The following MGMT variants were observed in gnomAD, a reference collection of about 807,000 sequenced individuals.
MGMT encodes the protein O-6-methylguanine-DNA methyltransferase.
Under a neutral mutation model 15.9 loss-of-function variants are expected in MGMT, and 14 were observed. The observed-to-expected ratio is 0.88, with a 90% CI of 0.58 to 1.37. The LOEUF is 1.37. Among genes scored for constraint, MGMT ranks in the 40% most tolerant of loss-of-function variants. MGMT has a pLI of 0.00. For missense variants in MGMT, 282 were observed against 268.1 expected (o/e 1.05, Z -0.36); for synonymous variants, 130 against 118.2 (o/e 1.10, Z -0.65).
At chr10:129,536,043 G>A (rs1179277859) in intron 1 of MGMT, among the ~76,000 whole-genome samples, 198 bp from the exon 2 acceptor site, 1 of 152,116 alleles carries the variant, frequency 6.6e-6, no homozygotes, top group East Asian at 1.9e-4. Context: ...AGTATTGGTT[G>A]GCTGCTCTAG....
chr10:129,764,202 C>T (rs979609926), intron 4 of MGMT, among the ~76,000 whole-genome samples: 2 of 152,352 alleles, frequency 1.3e-5, no homozygotes, highest in African/African-American at 2.4e-5. Context: ...AGACTCCATT[C>T]GGCCGGAGGC....
chr10:129,722,554 G>T (rs912766587), intron 3 of MGMT, among the ~76,000 whole-genome samples: 13 of 152,152 alleles, frequency 8.5e-5, no homozygotes, highest in Middle Eastern at 3.2e-3. Context: ...GAATTTGTAG[G>T]ACTTACATTA....
intron 4 of MGMT, 138 bp downstream of exon 4, chr10:129,759,479 CCATTATGCCAGATGCCTCCAGAAGAGG>C: frequency 7.6e-7 from 1 of 1,317,330 alleles, no homozygotes; most frequent in Non-Finnish European, 1.1e-6. Context: ...GTGATGGGGA[CCATTATGCCAGATGCCTCCAGAAGAGG>C]CAAGGAGGCT....
chr10:129,604,746 C>G (rs1301892334), intron 2 of MGMT, among the ~76,000 whole-genome samples: 7 of 144,548 alleles, frequency 4.8e-5, no homozygotes, highest in East Asian at 2.4e-4. Context: ...CACCCCCTCC[C>G]CCCGGCTTTC....
At chr10:129,630,659 CAG>C (rs1847199732) in intron 2 of MGMT, among the ~76,000 whole-genome samples, 1 of 152,244 alleles carries the variant, frequency 6.6e-6, no homozygotes, top group South Asian at 2.1e-4. Context: ...AAAAAGAAAA[CAG>C]AAGGAAGATT....
At chr10:129,653,181 G>A (rs962038212) in intron 2 of MGMT, among the ~76,000 whole-genome samples, 10 of 152,174 alleles carry the variant, frequency 6.6e-5, no homozygotes, top group Admixed American at 6.5e-4. Flanking sequence ...CTACTCCACT[G>A]GACTTCATGT....
chr10:129,646,633 C>T (rs138151762), intron 2 of MGMT, among the ~76,000 whole-genome samples: 1 of 149,932 alleles, frequency 6.7e-6, no homozygotes, highest in Non-Finnish European at 1.5e-5. Context: ...GGCAGCTTAA[C>T]ACGTGGCATC....
intron 2 of MGMT, among the ~76,000 whole-genome samples, chr10:129,570,100 G>T (rs1258992397): frequency 6.6e-6 from 1 of 152,222 alleles, no homozygotes; most frequent in African/African-American, 2.4e-5. Flanking sequence ...ACCCTCCGCA[G>T]ACCCTCACGT....
intron 3 of MGMT, among the ~76,000 whole-genome samples, chr10:129,709,678 G>T (rs965034112): frequency 6.6e-6 from 1 of 152,156 alleles, no homozygotes; most frequent in Non-Finnish European, 1.5e-5. Flanking sequence ...AACCCCTGAA[G>T]TTTACCTAAG....
intron 3 of MGMT, among the ~76,000 whole-genome samples, chr10:129,739,821 T>C (rs967810834): frequency 1.1e-4 from 16 of 152,308 alleles, no homozygotes; most frequent in African/African-American, 3.6e-4. Flanking sequence ...TTAGTTATTT[T>C]ATATGTGGCC....
chr10:129,569,538 G>T (rs1214491616), intron 2 of MGMT, among the ~76,000 whole-genome samples: 1 of 152,132 alleles, frequency 6.6e-6, no homozygotes, highest in Non-Finnish European at 1.5e-5. Context: ...GCCTGGCTTT[G>T]CCTGGTATTA....
chr10:129,613,000 T>C (rs1265471980), intron 2 of MGMT, among the ~76,000 whole-genome samples: 2 of 152,154 alleles, frequency 1.3e-5, no homozygotes, highest in African/African-American at 4.8e-5. Flanking sequence ...ATAGCCGAGT[T>C]CAGACCCACT....
chr10:129,483,317 A>G (rs1845377650), intron 1 of MGMT, among the ~76,000 whole-genome samples: 1 of 152,222 alleles, frequency 6.6e-6, no homozygotes, highest in African/African-American at 2.4e-5. Flanking sequence ...TAAAAAATCC[A>G]GAATTTACAT....
chr10:129,649,015 A>T (rs966740879), intron 2 of MGMT, among the ~76,000 whole-genome samples: 1 of 152,162 alleles, frequency 6.6e-6, no homozygotes, highest in Non-Finnish European at 1.5e-5. Flanking sequence ...TTCCATCCTG[A>T]TGGCTCTCCT....
At chr10:129,547,133 A>C (rs957331878) in intron 2 of MGMT, among the ~76,000 whole-genome samples, 1 of 152,212 alleles carries the variant, frequency 6.6e-6, no homozygotes, top group Non-Finnish European at 1.5e-5. Flanking sequence ...AGACTGGGCC[A>C]TGCTCTCTAA....
intron 2 of MGMT, chr10:129,563,876 GC>G (rs1190399087): frequency 6.6e-6 from 1 of 152,252 alleles, no homozygotes; most frequent in South Asian, 2.1e-4. Context: ...TCAGTGCCCA[GC>G]AATGGAGAAC....
chr10:129,662,748 A>G (rs890740829), intron 2 of MGMT, among the ~76,000 whole-genome samples: 1 of 152,156 alleles, frequency 6.6e-6, no homozygotes, highest in Non-Finnish European at 1.5e-5. Context: ...AATCAGGCAA[A>G]TGAAACCATA....
At chr10:129,655,945 C>T (rs893407750) in intron 2 of MGMT, among the ~76,000 whole-genome samples, 3 of 152,304 alleles carry the variant, frequency 2.0e-5, no homozygotes, top group Non-Finnish European at 4.4e-5. Flanking sequence ...CTGGCAACAG[C>T]GGTCCCAGAT....
intron 2 of MGMT, among the ~76,000 whole-genome samples, chr10:129,548,007 T>A (rs1172837151): frequency 6.6e-6 from 1 of 152,264 alleles, no homozygotes. Context: ...GCTTTTTGTA[T>A]GTGAAGTATG....
Sources: allele counts gnomAD v4.1 joint callset (sites outside exome capture counted in the v4.1 genomes callset), GRCh38; gene constraint gnomAD v4.1.1; transcripts MANE v1.5; gene names NCBI Gene and HGNC (gene_info 2026-07-23, HGNC 2026-07-21).